The following MBD5 variants were observed in gnomAD, a reference collection of about 807,000 sequenced individuals.
MBD5 encodes methyl-CpG binding domain protein 5.
In MBD5, 13 loss-of-function variants were observed where a neutral mutation model predicts 117.3. That is an observed-to-expected ratio of 0.11 (90% confidence interval 0.07 to 0.18). The LOEUF (loss-of-function observed/expected upper bound fraction) is 0.18, where lower values mean the gene tolerates loss of function less well. Ranked by LOEUF, MBD5 falls within the 10% of genes least tolerant of loss-of-function variation. MBD5 has a pLI of 1.00. For synonymous variants in MBD5, 727 were observed against 766.4 expected, an observed-to-expected ratio of 0.95 and a Z score of 0.85; for missense variants, 1,879 against 2,093.8, an observed-to-expected ratio of 0.90 and a Z score of 2.00.
chr2:148,333,855 C>T lies in MBD5; in HGVS notation c.-679-8359C>T, dbSNP rs971894201. On this transcript the variant is annotated intron_variant, in intron 3 of 13. Coordinates refer to ENST00000642680, the MANE Select transcript of MBD5 (RefSeq NM_001378120.1). ...CCTGGACAACAGAGCAAGACCCCAT[C>T]TCAAAAACAAAAAAATTCCCCAGTT... Among the ~76,000 whole-genome samples the T allele has an allele frequency of 4.0e-5, 6 of 151,110 alleles. No homozygotes were observed. In the East Asian group the frequency reaches 7.9e-4, roughly 20 times the overall value.
At chr2:148,328,714 T>C (rs1233804328) in intron 3 of MBD5, among the ~76,000 whole-genome samples, 1 of 152,194 alleles carries the variant, frequency 6.6e-6, no homozygotes, top group African/African-American at 2.4e-5. Flanking sequence ...ACATGGTGCG[T>C]GCACCCACTG....
intron 1 of MBD5, among the ~76,000 whole-genome samples, chr2:148,162,294 A>C (rs1698022411): frequency 6.6e-6 from 1 of 150,990 alleles, no homozygotes; most frequent in South Asian, 2.1e-4. Context: ...CATGTTCCCC[A>C]CCCCCCTGTC....
chr2:148,116,506 G>T (rs188685547), intron 1 of MBD5, among the ~76,000 whole-genome samples: 1 of 152,276 alleles, frequency 6.6e-6, no homozygotes, highest in Admixed American at 6.5e-5. Context: ...GATTAACTGA[G>T]CTTAAAAATA....
chr2:148,221,699 A>G (rs1259846288), intron 2 of MBD5, among the ~76,000 whole-genome samples: 1 of 151,964 alleles, frequency 6.6e-6, no homozygotes, highest in African/African-American at 2.4e-5. Flanking sequence ...ATTTTCTCCA[A>G]TTCTTTGTGG....
intron 3 of MBD5, among the ~76,000 whole-genome samples, chr2:148,271,323 A>G (rs1451204097): frequency 2.0e-5 from 3 of 152,192 alleles, no homozygotes; most frequent in African/African-American, 7.2e-5. Context: ...GGACATTTGA[A>G]GAGAATTATG....
intron 3 of MBD5, among the ~76,000 whole-genome samples, chr2:148,271,539 G>A (rs1700987292): frequency 6.6e-6 from 1 of 152,058 alleles, no homozygotes; most frequent in Admixed American, 6.6e-5. Flanking sequence ...AGTTCATAAA[G>A]TACATATCCT....
At chr2:148,188,785 T>G (rs896894597) in intron 2 of MBD5, among the ~76,000 whole-genome samples, 1 of 151,856 alleles carries the variant, frequency 6.6e-6, no homozygotes, top group African/African-American at 2.4e-5. Flanking sequence ...AGCTCCGGTC[T>G]ACAGCTCCCA....
intron 1 of MBD5, among the ~76,000 whole-genome samples, chr2:148,110,213 G>C (rs10497027): frequency 0.026 from 3,947 of 152,220 alleles, 100 homozygotes; most frequent in African/African-American, 0.066. Flanking sequence ...TGGTGACACT[G>C]AGATTCAAAG....
intron 3 of MBD5, among the ~76,000 whole-genome samples, chr2:148,276,158 A>G (rs1701107978): frequency 6.6e-6 from 1 of 152,090 alleles, no homozygotes; most frequent in Admixed American, 6.5e-5. Flanking sequence ...CCAAAAAACA[A>G]ACAAACAAAA....
At chr2:148,073,948 A>G (rs1353024965) in intron 1 of MBD5, among the ~76,000 whole-genome samples, 1 of 152,224 alleles carries the variant, frequency 6.6e-6, no homozygotes, top group Non-Finnish European at 1.5e-5. Context: ...TACTGTTTAC[A>G]TAAAATTGTT....
In MBD5 at chr2:148,188,412, C is replaced by T. The variant is rs201542941; in HGVS notation, c.-831+9619C>T. 1.2e-4 allele frequency among the ~76,000 whole-genome samples: 18 copies of T among 152,178 alleles called. No individual in the cohort carries two copies. In the East Asian group the frequency reaches 3.5e-3, roughly 29 times the overall value. ...GTAGAATACTAGAGAACTGGCTAGGCATGATGGCCAATGCCTGTAAGTAAA... is the reference window on the plus strand; with the variant it reads ...GTAGAATACTAGAGAACTGGCTAGGTATGATGGCCAATGCCTGTAAGTAAA... On this transcript the variant is annotated intron_variant, in intron 2 of 13. Transcript: ENST00000642680.
At chr2:148,213,032 T>C (rs1699464634) in intron 2 of MBD5, among the ~76,000 whole-genome samples, 1 of 152,200 alleles carries the variant, frequency 6.6e-6, no homozygotes, top group Non-Finnish European at 1.5e-5. Flanking sequence ...AGAGAACTTA[T>C]CAATCTTTGT....
chr2:148,021,400 C>G lies in MBD5; in HGVS notation c.-1209C>G. 2.0e-6 allele frequency: 1 copy of G among 511,192 alleles called. No homozygotes were observed. Among genetic ancestry groups the G allele is most frequent in the Non-Finnish European group, 3.8e-6 (1 of 261,266 alleles). 31.7% of individuals were successfully genotyped at this position (511,192 alleles called of 1,614,324 possible). On this transcript the variant is annotated 5_prime_UTR_variant, in exon 1 of 14. Transcript: ENST00000642680. ...TCCCTCCACCCTCCTCCTCTTTGGC[C>G]GTGAGAGGAGGAGAGAAAGAAACCA...
rs1032656991 is a variant in MBD5, at chr2:148,327,487, C to T, written c.-679-14727C>T. ...ATCACTTTCAGGTACACCAGTCAGACGTAGATTTGGTCTTTTCACATAGTC... is the reference window on the plus strand; with the variant it reads ...ATCACTTTCAGGTACACCAGTCAGATGTAGATTTGGTCTTTTCACATAGTC... On this transcript the variant is annotated intron_variant, in intron 3 of 13. Coordinates refer to ENST00000642680, the MANE Select transcript of MBD5 (RefSeq NM_001378120.1). Among the ~76,000 whole-genome samples the T allele has an allele frequency of 3.3e-5, 5 of 152,120 alleles. No homozygotes were observed. In the East Asian group the frequency reaches 5.8e-4, roughly 18 times the overall value.
chr2:148,488,132 G>A (rs1230719846), intron 10 of MBD5, among the ~76,000 whole-genome samples: 1 of 152,228 alleles, frequency 6.6e-6, no homozygotes, highest in Non-Finnish European at 1.5e-5. Flanking sequence ...GACCCCTCAT[G>A]TGGGAAGCAG....
chr2:148,205,086 A>AT (rs577244415), intron 2 of MBD5, among the ~76,000 whole-genome samples: 127 of 149,350 alleles, frequency 8.5e-4, no homozygotes, highest in Admixed American at 1.8e-3. Context: ...TTTTTATTTT[A>AT]TTTTTTTTTG....
chr2:148,144,598 T>C (rs1457491156), intron 1 of MBD5, among the ~76,000 whole-genome samples: 4 of 152,348 alleles, frequency 2.6e-5, no homozygotes, highest in African/African-American at 7.2e-5. Flanking sequence ...ATTTAAATCT[T>C]TAATCCATCT....
intron 3 of MBD5, among the ~76,000 whole-genome samples, chr2:148,291,463 G>A (rs535220620): frequency 2.4e-4 from 36 of 152,054 alleles, no homozygotes; most frequent in East Asian, 1.9e-4. Context: ...TAGAATTTTC[G>A]ATGGAATTGT....
intron 3 of MBD5, among the ~76,000 whole-genome samples, chr2:148,340,009 A>T (rs1008725077): frequency 2.0e-5 from 3 of 151,948 alleles, no homozygotes; most frequent in African/African-American, 7.3e-5. Flanking sequence ...CTACTCACCA[A>T]CATCTCAACA....
Sources: allele counts gnomAD v4.1 joint callset (sites outside exome capture counted in the v4.1 genomes callset), GRCh38; gene constraint gnomAD v4.1.1; transcripts MANE v1.5; gene names NCBI Gene and HGNC (gene_info 2026-07-23, HGNC 2026-07-21).